Variants in MTMR1 observed in about 807,000 individuals in gnomAD.
MTMR1 encodes the protein phosphatidylinositol-3-phosphate phosphatase MTMR1.
Under a neutral mutation model 51.6 loss-of-function variants are expected in MTMR1, and 17 were observed. The observed-to-expected ratio is 0.33, with a 90% CI of 0.23 to 0.49. The LOEUF (loss-of-function observed/expected upper bound fraction) is 0.49. Among genes scored for constraint, MTMR1 ranks in the 20% least tolerant of loss-of-function variants. MTMR1 has a pLI of 0.99. For missense variants in MTMR1, 386 were observed against 526.9 expected (o/e 0.73, Z 2.62); for synonymous variants, 201 against 205.6 (o/e 0.98, Z 0.19).
Position 150,762,723 on chromosome X carries a change from G to T in MTMR1, c.2016G>T (p.Ser672=). 1 of 1,165,810 alleles carries T rather than the reference G, an allele frequency of 8.6e-7. No individual in the cohort carries two copies. The highest frequency in any genetic ancestry group is 1.1e-6 in the Non-Finnish European group (1 of 871,425). ...PSHSATSVHT[S]V ...ACTCCGCCACCTCCGTCCACACCTC[G>T]GTCTGATGGGCGAGGTCAGCCTGCT... is the stretch of plus-strand genomic sequence containing the variant. Residue 672 remains serine (S), a synonymous_variant, in exon 16 of 16, where the codon TCG becomes TCT. Transcript: ENST00000445323.
chrX:150,725,449 T>G (rs193224630), intron 4 of MTMR1, among the ~76,000 whole-genome samples: 1 of 112,386 alleles, frequency 8.9e-6, no homozygotes, highest in East Asian at 2.8e-4. Flanking sequence ...CAAAGTTGTT[T>G]ATCAGCTGAA....
At chrX:150,704,313 C>G (rs2041018564) in intron 2 of MTMR1, among the ~76,000 whole-genome samples, 1 of 111,625 alleles carries the variant, frequency 9.0e-6, no homozygotes, top group Non-Finnish European at 1.9e-5. Context: ...AGAAAACACA[C>G]TAACTACTCT....
In MTMR1 at chrX:150,698,674, G is replaced by GCACACACA. The variant is rs1264680068; in HGVS notation, c.147-520_147-519insACACACAC. The stretch of plus-strand genomic sequence containing the variant: ...AAACATGGCAAAACCCTGTCTACAC[G>GCACACACA]CGCGCGCACACACACACACACACAC... On this transcript the variant is annotated intron_variant, in intron 1 of 15. Coordinates refer to ENST00000445323, the MANE Select transcript of MTMR1 (RefSeq NM_001306144.3). Among the ~76,000 whole-genome samples, 307 of 61,173 alleles carry GCACACACA rather than the reference G, an allele frequency of 5.0e-3. 1 individual carries two copies. The highest frequency in any genetic ancestry group is 9.7e-3 in the African/African-American group (138 of 14,164). 53.1% of individuals were successfully genotyped at this position (61,173 alleles called of 115,157 possible). A position where few individuals can be genotyped will look rare whatever the true frequency, so the allele number is the denominator to read the frequency against.
chrX:150,762,845 A>G lies in MTMR1; in HGVS notation c.*116A>G. ...TCTTTTAGGATTAGGCCCAGGGACC[A>G]TTTGTGTGGCTAGGTGACAGCTCCC... is the stretch of plus-strand genomic sequence containing the variant. On this transcript the variant is annotated 3_prime_UTR_variant, in exon 16 of 16. Transcript: ENST00000445323. The G allele has an allele frequency of 1.3e-5, 11 of 853,342 alleles. No individual in the cohort carries two copies. The highest frequency in any genetic ancestry group is 1.5e-5 in the Non-Finnish European group (10 of 649,138). 70.3% of individuals were successfully genotyped at this position (853,342 alleles called of 1,213,427 possible).
chrX:150,734,036 A>G (rs1382499684), intron 10 of MTMR1, among the ~76,000 whole-genome samples: 9 of 112,334 alleles, frequency 8.0e-5, no homozygotes, highest in South Asian at 3.7e-4. Context: ...CTGGAGGCCA[A>G]TTCTGCTCCC....
intron 14 of MTMR1, 178 bp downstream of exon 14, chrX:150,751,021 C>A: frequency 8.6e-7 from 1 of 1,158,015 alleles, no homozygotes; most frequent in Non-Finnish European, 1.2e-6. Context: ...CAAGCCCCTT[C>A]CTTTCTAGGC....
chrX:150,712,966 G>T (rs1557416273), intron 3 of MTMR1: 2 of 939,197 alleles, frequency 2.1e-6, no homozygotes, highest in East Asian at 1.7e-4. Context: ...GCAAGACAAA[G>T]ATTGGTAATG....
chrX:150,708,485 TTATATA>T lies in MTMR1; in HGVS notation c.253-3850_253-3845del, dbSNP rs781798818. 4.5e-5 allele frequency among the ~76,000 whole-genome samples: 5 copies of T among 110,978 alleles called. No homozygotes were observed. In the South Asian group the frequency reaches 1.9e-3, roughly 42 times the overall value. ...ACTGAAATATATAGTTATATTTCAG[TTATATA>T]TATATAACTATTTAACAACTGAAAA... On this transcript the variant is annotated intron_variant, in intron 2 of 15. Transcript: ENST00000445323.
intron 13 of MTMR1, among the ~76,000 whole-genome samples, chrX:150,747,596 C>T (rs947625443): frequency 6.2e-5 from 7 of 112,130 alleles, no homozygotes; most frequent in Non-Finnish European, 7.5e-5. Context: ...CCTAATCTTT[C>T]GTTTATATTA....
intron 10 of MTMR1, among the ~76,000 whole-genome samples, chrX:150,733,709 A>G (rs1004407418): frequency 1.8e-5 from 2 of 111,179 alleles, no homozygotes; most frequent in South Asian, 3.8e-4. Flanking sequence ...ACAGGAGATA[A>G]TATCAGTGTC....
chrX:150,723,523 C>T (rs2041823726), intron 4 of MTMR1, among the ~76,000 whole-genome samples: 1 of 110,595 alleles, frequency 9.0e-6, no homozygotes, highest in African/African-American at 3.3e-5. Context: ...CCTGTTGTTT[C>T]CTGACTTTTT....
Position 150,743,012 on chromosome X carries a change from A to G in MTMR1, c.1474-1349A>G, listed in dbSNP as rs554817448. Among the ~76,000 whole-genome samples the G allele has an allele frequency of 3.2e-4, 36 of 110,851 alleles. 1 individual carries two copies. In the South Asian group the frequency reaches 0.013, roughly 40 times the overall value. On this transcript the variant is annotated intron_variant, in intron 12 of 15. Coordinates refer to ENST00000445323, the MANE Select transcript of MTMR1 (RefSeq NM_001306144.3). ...TGGGGAGTTAGTGATTAATGGGTAT[A>G]GAGTTTCTGTTTGGAAAGATTAACA...
chrX:150,732,470 T>G (rs2042146420), intron 9 of MTMR1, 72 bp from the exon 10 acceptor site: 1 of 995,859 alleles, frequency 1.0e-6, no homozygotes, highest in Non-Finnish European at 1.3e-6. Flanking sequence ...AGGGAACTTG[T>G]TTTTCCTACC....
intron 4 of MTMR1, among the ~76,000 whole-genome samples, chrX:150,721,475 G>T (rs1760699970): frequency 9.0e-6 from 1 of 111,608 alleles, no homozygotes; most frequent in African/African-American, 3.3e-5. Flanking sequence ...TGACTGTTTA[G>T]ACTGTGGTTT....
chrX:150,729,978 C>A, intron 6 of MTMR1, 131 bp from the exon 7 acceptor site: 1 of 327,832 alleles, frequency 3.1e-6, no homozygotes. Flanking sequence ...GAGACTGTGC[C>A]GTTGGAGCAG....
chrX:150,713,581 G>A (rs1370343744), intron 3 of MTMR1, among the ~76,000 whole-genome samples: 1 of 111,275 alleles, frequency 9.0e-6, no homozygotes, highest in Non-Finnish European at 1.9e-5. Context: ...AATATATATA[G>A]GCTAAATTTT....
chrX:150,757,498 T>C (rs1356038513), intron 15 of MTMR1, among the ~76,000 whole-genome samples: 1 of 112,393 alleles, frequency 8.9e-6, no homozygotes, highest in Non-Finnish European at 1.9e-5. Flanking sequence ...TCCAGAACAC[T>C]GTGATGGGTG....
chrX:150,762,844 C>A lies in MTMR1; in HGVS notation c.*115C>A, dbSNP rs2043187039. 1 of 853,230 alleles carries A rather than the reference C, an allele frequency of 1.2e-6. No homozygotes were observed. Among genetic ancestry groups the A allele is most frequent in the Non-Finnish European group, 1.5e-6 (1 of 649,665 alleles). The allele number at this position is 853,230 out of a possible 1,213,427, so 70.3% of individuals were successfully genotyped here. A position where few individuals can be genotyped will look rare whatever the true frequency, so the allele number is the denominator to read the frequency against. On this transcript the variant is annotated 3_prime_UTR_variant, in exon 16 of 16. Transcript: ENST00000445323. ...GTCTTTTAGGATTAGGCCCAGGGAC[C>A]ATTTGTGTGGCTAGGTGACAGCTCC...
In MTMR1 at chrX:150,738,083, CAA is replaced by C. The variant is rs782227082; in HGVS notation, c.1473+639_1473+640del. ...CTCCGTCTCAAAAAACAAAACAAAA[CAA>C]AAACCGTACTCTTCACCTCAAAAGG... is the stretch of plus-strand genomic sequence containing the variant. On this transcript the variant is annotated intron_variant, in intron 12 of 15. Coordinates refer to ENST00000445323, the MANE Select transcript of MTMR1 (RefSeq NM_001306144.3). Among the ~76,000 whole-genome samples, 437 of 111,559 alleles carry C rather than the reference CAA, an allele frequency of 3.9e-3. 2 individuals carry two copies. The highest frequency in any genetic ancestry group is 0.013 in the African/African-American group (401 of 30,661).
Sources: allele counts gnomAD v4.1 joint callset (sites outside exome capture counted in the v4.1 genomes callset), GRCh38; gene constraint gnomAD v4.1.1; transcripts MANE v1.5; gene names NCBI Gene and HGNC (gene_info 2026-07-23, HGNC 2026-07-21).